Variants in CIZ1 observed in about 807,000 individuals in gnomAD.
CIZ1 encodes the protein cip1-interacting zinc finger protein.
A neutral mutation model predicts 118.6 loss-of-function variants in CIZ1; 58 were observed. The ratio of observed to expected loss-of-function variants is 0.49; its 90% CI spans 0.40 to 0.61. The LOEUF (loss-of-function observed/expected upper bound fraction) is 0.61. Ranked by LOEUF, CIZ1 falls within the 20% of genes least tolerant of loss-of-function variation. The probability of loss-of-function intolerance (pLI) is 0.00; values close to 1 mark genes in which losing one functional copy is unlikely to be tolerated. For missense variants in CIZ1, 921 were observed against 1,115.9 expected (o/e 0.83, Z 2.49); for synonymous variants, 448 against 443.4 (o/e 1.01, Z -0.13).
In CIZ1 at chr9:128,179,329, G is replaced by C; in HGVS notation, c.878C>G (p.Thr293Arg). The change falls in exon 8 of 17, where the codon ACA becomes AGA. Residue 293 changes from threonine to arginine, a missense_variant. Coordinates refer to ENST00000372938, the MANE Select transcript of CIZ1 (RefSeq NM_001131016.2). ...PQARMTVPKQ[T>R]QTPDLLPEAL... ...CTCAGGCAGCAGGTCTGGTGTCTGT[G>C]TCTGTTTCGGTACTGTCATCCGGGC... The C allele has an allele frequency of 6.2e-7, 1 of 1,614,152 alleles. No homozygotes were observed. The highest frequency in any genetic ancestry group is 1.1e-5 in the South Asian group (1 of 91,088).
chr9:128,186,629 G>A (rs976403968), intron 4 of CIZ1, among the ~76,000 whole-genome samples: 2 of 152,180 alleles, frequency 1.3e-5, no homozygotes, highest in Non-Finnish European at 2.9e-5. Flanking sequence ...GCTCCCTGCT[G>A]TTGGGTAGCA....
chr9:128,187,831 ATT>A, intron 4 of CIZ1, 30 bp downstream of exon 4: 2 of 576,634 alleles, frequency 3.5e-6, no homozygotes, highest in Admixed American at 2.4e-5. Context: ...GTATATATAC[ATT>A]TATATATATA....
chr9:128,191,973 G>A (rs972127912), upstream of CIZ1: 8 of 1,344,868 alleles, frequency 5.9e-6, no homozygotes, highest in Admixed American at 3.1e-5. The surrounding 1 kb of genome is among the most constrained non-coding windows in gnomAD (Gnocchi z 5.5). Context: ...CGAGAGGGCG[G>A]CCAAGGTCTT....
intron 2 of CIZ1, 39 bp from the exon 3 acceptor site, chr9:128,190,483 A>G: frequency 6.6e-7 from 1 of 1,505,824 alleles, no homozygotes; most frequent in Non-Finnish European, 9.1e-7. Context: ...TTATTTGGAA[A>G]GTCAGACCTT....
Position 128,166,784 on chromosome 9 carries a change from G to A in CIZ1, c.2462C>T (p.Ser821Phe). 6.2e-7 allele frequency: 1 copy of A among 1,614,216 alleles called. No homozygotes were observed. Among genetic ancestry groups the A allele is most frequent in the Non-Finnish European group, 8.5e-7 (1 of 1,180,020 alleles). The change falls in exon 16 of 17, where the codon TCC becomes TTC. Residue 821 changes from serine to phenylalanine, a missense_variant. Transcript: ENST00000372938. This position sits in a 1 kb window ranked among gnomAD's most constrained non-coding sequence, Gnocchi z 4.4. The stretch of plus-strand genomic sequence containing the variant: ...CTGCAGGTTCTCAAAGTGGCCCAGG[G>A]ACTTGCAGTGGGAGAGCTGTGCCCC... The part of the protein sequence containing the change: ...NSGAQLSHCK[S>F]LGHFENLQKY...
chr9:128,178,503 A>G lies in CIZ1; in HGVS notation c.1499-13T>C, dbSNP rs1004234831. Reference sequence around the variant, plus strand: ...GTCTTTTCCATGCCTGAAATGACAGATGTGCTGTATTTCCCAGAGTCCCCA... The same window carrying G: ...GTCTTTTCCATGCCTGAAATGACAGGTGTGCTGTATTTCCCAGAGTCCCCA... On this transcript the variant is annotated splice_polypyrimidine_tract_variant and intron_variant, in intron 8 of 16. Transcript: ENST00000372938. 2.5e-6 allele frequency: 4 copies of G among 1,613,970 alleles called. No homozygotes were observed. Among genetic ancestry groups the G allele is most frequent in the Admixed American group, 1.7e-5 (1 of 59,970 alleles).
intron 11 of CIZ1, among the ~76,000 whole-genome samples, chr9:128,175,479 A>C (rs1343252349): frequency 6.6e-6 from 1 of 152,168 alleles, no homozygotes; most frequent in Non-Finnish European, 1.5e-5. Flanking sequence ...CTGTCACACA[A>C]GGCAGGCAAG....
At position 128,166,234 on chromosome 9, in the gene CIZ1, G is replaced by A; in HGVS notation, c.2660C>T (p.Pro887Leu). ...PSKVTARPSQ[P>L]PLPRRSTRLK... ...GCGGGTTGAGCGCCGAGGTAGTGGG[G>A]GCTGGGAGGGTCGAGCCGTCACCTT... is the stretch of plus-strand genomic sequence containing the variant. Residue 887 changes from proline to leucine, a missense_variant, in exon 17 of 17, where the codon CCC becomes CTC. Physicochemically the swap from Pro to Leu is moderately conservative, Grantham distance 98 (BLOSUM62 -3). Coordinates refer to ENST00000372938, the MANE Select transcript of CIZ1 (RefSeq NM_001131016.2). This position sits in a 1 kb window ranked among gnomAD's most constrained non-coding sequence, Gnocchi z 4.4. 2.0e-6 allele frequency: 3 copies of A among 1,522,108 alleles called. No individual in the cohort carries two copies. Among genetic ancestry groups the A allele is most frequent in the Non-Finnish European group, 1.8e-6 (2 of 1,127,478 alleles). The allele number at this position is 1,522,108 out of a possible 1,614,324, so 94.3% of individuals were successfully genotyped here. A position where few individuals can be genotyped will look rare whatever the true frequency, so the allele number is the denominator to read the frequency against.
At chr9:128,173,306 G>C (rs757000297) in intron 11 of CIZ1, among the ~76,000 whole-genome samples, 1 of 151,796 alleles carries the variant, frequency 6.6e-6, no homozygotes, top group Admixed American at 6.6e-5. Flanking sequence ...CACCACGCCC[G>C]GCTAATTTTT....
upstream of CIZ1, among the ~76,000 whole-genome samples, chr9:128,196,236 C>T (rs1833374759): frequency 6.6e-6 from 1 of 152,034 alleles, no homozygotes; most frequent in African/African-American, 2.4e-5. Context: ...TCTTTACCCC[C>T]CGTTTTTCAG....
chr9:128,179,606 T>C (rs1831310834), intron 7 of CIZ1, among the ~76,000 whole-genome samples, 191 bp from the exon 8 acceptor site: 1 of 152,168 alleles, frequency 6.6e-6, no homozygotes, highest in Admixed American at 6.6e-5. Context: ...AACCTGGGAT[T>C]ACAGGTGTGA....
upstream of CIZ1, among the ~76,000 whole-genome samples, chr9:128,196,017 C>A (rs536720866): frequency 1.3e-5 from 2 of 152,116 alleles, no homozygotes; most frequent in South Asian, 4.1e-4. Flanking sequence ...AGGCATGCAC[C>A]ACCACACCCA....
intron 11 of CIZ1, among the ~76,000 whole-genome samples, chr9:128,172,147 C>CAAAAA (rs58895140): frequency 2.9e-5 from 2 of 69,166 alleles, no homozygotes; most frequent in African/African-American, 1.4e-4. Context: ...GACACTGTCT[C>CAAAAA]AAAAAAAAAA....
At chr9:128,174,900 C>T (rs540716163) in intron 11 of CIZ1, among the ~76,000 whole-genome samples, 4 of 152,236 alleles carry the variant, frequency 2.6e-5, no homozygotes, top group East Asian at 1.9e-4. Flanking sequence ...TCAGGTGATC[C>T]GCCCATCTCA....
At chr9:128,192,347 G>C (rs2131036254), upstream of CIZ1, among the ~76,000 whole-genome samples, 1 of 148,054 alleles carries the variant, frequency 6.8e-6, no homozygotes, top group African/African-American at 2.5e-5. Flanking sequence ...TCCAGCCTGA[G>C]CGACAGAGCA....
chr9:128,174,726 C>T (rs1198665058), intron 11 of CIZ1, among the ~76,000 whole-genome samples: 5 of 152,020 alleles, frequency 3.3e-5, no homozygotes, highest in Non-Finnish European at 7.4e-5. Context: ...GTGGCGCGAT[C>T]TCGGCTCACT....
chr9:128,177,475 G>T, intron 10 of CIZ1, 91 bp downstream of exon 10: 1 of 874,444 alleles, frequency 1.1e-6, no homozygotes, highest in Non-Finnish European at 1.7e-6. Context: ...TTGGGGCAGG[G>T]CCCATTGCAG....
rs1046096347 is a variant in CIZ1, at chr9:128,166,534, G to A, written c.2488-128C>T. ...CTCTGTGACCCTGCGTGATGCACTC[G>A]GCCTCTCTGGGCCGTCTCTGGAGCT... On this transcript the variant is annotated intron_variant, in intron 16 of 16. Transcript: ENST00000372938. This position sits in a 1 kb window ranked among gnomAD's most constrained non-coding sequence, Gnocchi z 4.4. The A allele has an allele frequency of 4.3e-5, 41 of 946,300 alleles. 1 individual carries two copies. In the East Asian group the frequency reaches 4.5e-4, roughly 10 times the overall value. 58.6% of individuals were successfully genotyped at this position (946,300 alleles called of 1,614,324 possible).
chr9:128,166,537 C>A lies in CIZ1; in HGVS notation c.2488-131G>T. 1 of 960,666 alleles carries A rather than the reference C, an allele frequency of 1.0e-6. No homozygotes were observed. The highest frequency in any genetic ancestry group is 1.5e-6 in the Non-Finnish European group (1 of 652,620). The allele number at this position is 960,666 out of a possible 1,614,324, so 59.5% of individuals were successfully genotyped here. ...TGTGACCCTGCGTGATGCACTCGGC[C>A]TCTCTGGGCCGTCTCTGGAGCTAAC... is the stretch of plus-strand genomic sequence containing the variant. On this transcript the variant is annotated intron_variant, in intron 16 of 16. Transcript: ENST00000372938. The surrounding 1 kb of genome is among the most constrained non-coding windows in gnomAD (Gnocchi z 4.4).
Sources: allele counts gnomAD v4.1 joint callset (sites outside exome capture counted in the v4.1 genomes callset), GRCh38; gene constraint gnomAD v4.1.1; non-coding constraint Gnocchi (gnomAD v3.1); transcripts MANE v1.5; gene names NCBI Gene and HGNC (gene_info 2026-07-23, HGNC 2026-07-21).